ASB5: variants seen among roughly 807,000 people sequenced by gnomAD.
ASB5 encodes the protein ankyrin repeat and SOCS box containing 5.
ASB5 carries 45 observed loss-of-function variants against 42.1 expected under a neutral mutation model. The ratio of observed to expected loss-of-function variants is 1.07; its 90% CI spans 0.84 to 1.37. ASB5 has a LOEUF of 1.37. Ranked by LOEUF, ASB5 falls within the 40% of genes most tolerant of loss-of-function variation. ASB5 has a pLI of 0.00. For missense variants in ASB5, 402 were observed against 399.8 expected (o/e 1.01, Z -0.05); for synonymous variants, 147 against 150.6 (o/e 0.98, Z 0.18).
intron 1 of ASB5, among the ~76,000 whole-genome samples, chr4:176,260,778 A>T (rs2126975971): frequency 6.6e-6 from 1 of 152,236 alleles, no homozygotes; most frequent in African/African-American, 2.4e-5. Context: ...CCCAGGTTCA[A>T]GGATTCTCCT....
intron 3 of ASB5, 129 bp downstream of exon 3, chr4:176,222,177 GAATTCAA>G: frequency 2.6e-6 from 2 of 755,530 alleles, no homozygotes; most frequent in Non-Finnish European, 4.3e-6. Context: ...GAAGACTAAG[GAATTCAA>G]GAGCTTTATT....
At chr4:176,226,906 T>G (rs747761510) in intron 1 of ASB5, among the ~76,000 whole-genome samples, 2 of 152,242 alleles carry the variant, frequency 1.3e-5, no homozygotes, top group African/African-American at 2.4e-5. Context: ...GAGCCCTGCT[T>G]CTGCACCCAA....
At chr4:176,224,253 G>GTTTGTC in intron 2 of ASB5, among the ~76,000 whole-genome samples, 1 of 126,228 alleles carries the variant, frequency 7.9e-6, no homozygotes, top group Non-Finnish European at 1.6e-5. Context: ...TTTTTTGAGA[G>GTTTGTC]GGAGTCTCAC....
intron 1 of ASB5, among the ~76,000 whole-genome samples, chr4:176,257,629 T>C (rs1431466225): frequency 6.6e-6 from 1 of 152,196 alleles, no homozygotes; most frequent in East Asian, 1.9e-4. Flanking sequence ...TTGGCAAGCA[T>C]TGTATTTTCT....
chr4:176,266,590 A>G lies in ASB5; in HGVS notation c.196+2323T>C, dbSNP rs531772554. Among the ~76,000 whole-genome samples the G allele has an allele frequency of 5.3e-5, 8 of 152,270 alleles. No homozygotes were observed. The South Asian group carries it at 1.7e-3, about 32-fold the overall frequency. On this transcript the variant is annotated intron_variant, in intron 1 of 6. Transcript: ENST00000296525. ...TAGAAGATTAAGAAAGAGTTTTATA[A>G]GGTACCTGATTTGCTCTCTTAATGT...
chr4:176,225,326 C>T lies in ASB5; in HGVS notation c.212G>A (p.Arg71Gln), dbSNP rs763945729. The T allele has an allele frequency of 1.4e-5, 22 of 1,613,708 alleles. No individual in the cohort carries two copies. Among genetic ancestry groups the T allele is most frequent in the South Asian group, 9.9e-5 (9 of 91,026 alleles). The stretch of plus-strand genomic sequence containing the variant: ...ACTTGCTGCTTCATGTAGTGGTGAT[C>T]GATCTGCCCAGGAACCTGTCAAAAA... ...VTQGQGSWAD[R>Q]SPLHEAASQG... Residue 71 changes from arginine to glutamine, a missense_variant, in exon 2 of 7, where the codon CGA becomes CAA. By Grantham distance (43) the Arg-to-Gln change is conservative. Transcript: ENST00000296525.
intron 2 of ASB5, among the ~76,000 whole-genome samples, chr4:176,222,639 T>A (rs1419990693): frequency 6.6e-6 from 1 of 152,200 alleles, no homozygotes; most frequent in Non-Finnish European, 1.5e-5. Context: ...CTGGACCCAA[T>A]AATGCCTTAA....
chr4:176,237,933 G>A (rs1753725534), intron 1 of ASB5, among the ~76,000 whole-genome samples: 1 of 152,142 alleles, frequency 6.6e-6, no homozygotes. Context: ...TATGAGATGT[G>A]CCTTAGGGCT....
At chr4:176,234,686 C>A (rs907717037) in intron 1 of ASB5, among the ~76,000 whole-genome samples, 1 of 152,274 alleles carries the variant, frequency 6.6e-6, no homozygotes, top group African/African-American at 2.4e-5. Flanking sequence ...TCATTAGAAC[C>A]TTGTCTGAGC....
chr4:176,260,466 C>T (rs1310294858), intron 1 of ASB5, among the ~76,000 whole-genome samples: 1 of 152,168 alleles, frequency 6.6e-6, no homozygotes, highest in Non-Finnish European at 1.5e-5. Flanking sequence ...TAATCACAGA[C>T]CACCTGGAAG....
chr4:176,269,130 G>A lies in ASB5; in HGVS notation c.-22C>T, dbSNP rs369311517. On this transcript the variant is annotated 5_prime_UTR_variant, in exon 1 of 7. Coordinates refer to ENST00000296525, the MANE Select transcript of ASB5 (RefSeq NM_080874.4). ...ACATTGCTGCAGAAGAATCTGCGGC[G>A]GTCTTTAGTTGGATCCAAGTCTCAA... The A allele has an allele frequency of 1.3e-5, 20 of 1,597,518 alleles. No homozygotes were observed. Among genetic ancestry groups the A allele is most frequent in the Admixed American group, 5.1e-5 (3 of 58,782 alleles).
chr4:176,219,223 ATATT>A (rs1256439758), intron 5 of ASB5, among the ~76,000 whole-genome samples: 2 of 115,750 alleles, frequency 1.7e-5, no homozygotes, highest in Non-Finnish European at 3.2e-5. Context: ...ATAAATATAT[ATATT>A]TGTATGATAT....
chr4:176,259,602 G>A (rs115402049), intron 1 of ASB5, among the ~76,000 whole-genome samples: 104 of 152,302 alleles, frequency 6.8e-4, no homozygotes, highest in African/African-American at 2.2e-3. Context: ...TTCTCACTTT[G>A]ACAGCCTTAC....
intron 1 of ASB5, among the ~76,000 whole-genome samples, chr4:176,251,192 G>A (rs1754025015): frequency 6.6e-6 from 1 of 150,820 alleles, no homozygotes; most frequent in African/African-American, 2.4e-5. Flanking sequence ...GGGAGGTTTA[G>A]CTTCTGACAG....
intron 2 of ASB5, among the ~76,000 whole-genome samples, chr4:176,275,158 G>A (rs144017019): frequency 0.018 from 2,687 of 151,960 alleles, 81 homozygotes; most frequent in African/African-American, 0.059. Context: ...CAGGTGATCC[G>A]CCCGTCTCGG....
chr4:176,241,932 G>A (rs893511139), intron 1 of ASB5, among the ~76,000 whole-genome samples: 7 of 152,224 alleles, frequency 4.6e-5, no homozygotes, highest in East Asian at 1.9e-4. Context: ...CCTCAATGAC[G>A]TAGATGACCT....
At chr4:176,258,786 G>A (rs1204483643) in intron 1 of ASB5, among the ~76,000 whole-genome samples, 8 of 151,840 alleles carry the variant, frequency 5.3e-5, no homozygotes, top group African/African-American at 1.7e-4. Context: ...ACAAAATCTC[G>A]ATCACTGAAT....
intron 1 of ASB5, among the ~76,000 whole-genome samples, chr4:176,257,680 T>C (rs542629638): frequency 2.2e-4 from 33 of 152,296 alleles, no homozygotes; most frequent in South Asian, 1.2e-3. Flanking sequence ...TCTTTCCTTT[T>C]ATATAGAAAG....
chr4:176,231,660 A>G (rs1579318571), intron 1 of ASB5, among the ~76,000 whole-genome samples: 1 of 13,652 alleles, frequency 7.3e-5, no homozygotes, highest in African/African-American at 4.9e-4. Flanking sequence ...TTGTCTCTGC[A>G]AAAAAAAAAA....
Sources: gnomAD v4.1 joint callset for allele counts (sites outside exome capture counted in the v4.1 genomes callset) on GRCh38, gnomAD v4.1.1 for gene constraint, MANE v1.5 for transcripts, NCBI Gene and HGNC (gene_info 2026-07-23, HGNC 2026-07-21) for gene names.